ABR: variants seen among roughly 807,000 people sequenced by gnomAD.
ABR encodes the protein active breakpoint cluster region-related protein.
A neutral mutation model predicts 107.2 loss-of-function variants in ABR; 35 were observed. The observed-to-expected ratio is 0.33, with a 90% CI of 0.25 to 0.43. The LOEUF (loss-of-function observed/expected upper bound fraction) is 0.43, where lower values mean the gene tolerates loss of function less well. Among genes scored for constraint, ABR ranks in the 20% least tolerant of loss-of-function variants. ABR has a pLI of 1.00. For missense variants in ABR, 815 were observed against 1,115.2 expected (o/e 0.73, Z 3.83); for synonymous variants, 498 against 462.0 (o/e 1.08, Z -1.00).
rs200217863 is a variant in ABR, at chr17:1,013,097, C to T, written c.1851+8G>A. The T allele has an allele frequency of 2.9e-4, 469 of 1,613,978 alleles. No homozygotes were observed. Among genetic ancestry groups the T allele is most frequent in the Non-Finnish European group, 3.8e-4 (445 of 1,179,882 alleles). ...TCACGCCACTGATCATTCCCATCCC[C>T]GGCTCACCCCGTTCATCTCAATCAC... On this transcript the variant is annotated splice_region_variant and intron_variant, in intron 17 of 22. Transcript: ENST00000302538.
chr17:1,122,720 C>T (rs917957514), intron 2 of ABR, among the ~76,000 whole-genome samples: 14 of 152,234 alleles, frequency 9.2e-5, no homozygotes, highest in African/African-American at 3.1e-4. Flanking sequence ...CCATAATCAC[C>T]TGAATCAATT....
chr17:1,202,219 G>A (rs1365938262), intron 1 of ABR, among the ~76,000 whole-genome samples: 1 of 151,898 alleles, frequency 6.6e-6, no homozygotes, highest in Non-Finnish European at 1.5e-5. Flanking sequence ...GCATAGATGG[G>A]GTTTCCCCAT....
At chr17:1,206,125 G>A (rs1212145417) in intron 1 of ABR, among the ~76,000 whole-genome samples, 1 of 151,976 alleles carries the variant, frequency 6.6e-6, no homozygotes, top group Non-Finnish European at 1.5e-5. Context: ...AAAAAAAAGA[G>A]AAACAAAATT....
At chr17:1,225,608 C>T (rs9330550) in intron 1 of ABR, among the ~76,000 whole-genome samples, 23,216 of 151,970 alleles carry the variant, frequency 0.15, 2,745 homozygotes, top group African/African-American at 0.32. Flanking sequence ...CCCGAGATGA[C>T]GCCACTGCAC....
At chr17:1,110,863 T>C (rs2038633313) in intron 2 of ABR, among the ~76,000 whole-genome samples, 1 of 152,216 alleles carries the variant, frequency 6.6e-6, no homozygotes, top group Non-Finnish European at 1.5e-5. Context: ...CCCCTGGTTT[T>C]CCCCTGTCCC....
At chr17:1,139,454 G>A (rs1039363144) in intron 1 of ABR, among the ~76,000 whole-genome samples, 106 of 151,920 alleles carry the variant, frequency 7.0e-4, no homozygotes, top group African/African-American at 2.4e-3. Context: ...GGGTTTCACC[G>A]TGTTAGCCAA....
intron 1 of ABR, among the ~76,000 whole-genome samples, chr17:1,185,782 C>G (rs1226024446): frequency 6.6e-6 from 1 of 151,740 alleles, no homozygotes; most frequent in African/African-American, 2.4e-5. Flanking sequence ...GGCCTGTTTT[C>G]CGTGCTTTGC....
At chr17:1,124,406 C>T (rs80032820) in intron 2 of ABR, among the ~76,000 whole-genome samples, 4 of 152,182 alleles carry the variant, frequency 2.6e-5, no homozygotes, top group African/African-American at 7.2e-5. Context: ...ACACACCCCC[C>T]ACAGAGGACC....
chr17:1,176,837 C>T (rs922120316), intron 1 of ABR, among the ~76,000 whole-genome samples: 1 of 150,984 alleles, frequency 6.6e-6, no homozygotes, highest in Non-Finnish European at 1.5e-5. Context: ...AAGACGGAGA[C>T]CCCGTCTCAA....
chr17:1,111,996 C>T (rs543276425), intron 2 of ABR, among the ~76,000 whole-genome samples: 64 of 151,908 alleles, frequency 4.2e-4, no homozygotes, highest in Non-Finnish European at 7.8e-4. Context: ...CGCCATCTTA[C>T]GAGTCTTCCT....
chr17:1,038,015 G>A (rs549421148), intron 16 of ABR, among the ~76,000 whole-genome samples: 3 of 152,274 alleles, frequency 2.0e-5, no homozygotes, highest in Non-Finnish European at 4.4e-5. Flanking sequence ...TTATGCCGAC[G>A]TCTCCCTGCC....
intron 1 of ABR, among the ~76,000 whole-genome samples, chr17:1,158,467 A>G (rs1279072469): frequency 3.3e-5 from 5 of 151,922 alleles, no homozygotes; most frequent in Non-Finnish European, 7.4e-5. Flanking sequence ...CATTTCACAT[A>G]TAACACAGAA....
intron 5 of ABR, among the ~76,000 whole-genome samples, chr17:1,082,363 T>G (rs1014456371): frequency 6.6e-6 from 1 of 151,896 alleles, no homozygotes; most frequent in African/African-American, 2.4e-5. Context: ...CAGATAGGAC[T>G]GCACCTCTGC....
intron 1 of ABR, among the ~76,000 whole-genome samples, chr17:1,185,852 T>C (rs1041125690): frequency 2.0e-5 from 3 of 151,752 alleles, no homozygotes. Context: ...TTTCTTTCTT[T>C]TGAGATGGAG....
chr17:1,100,761 C>T, intron 2 of ABR, 26 bp from the exon 3 acceptor site: 1 of 1,611,990 alleles, frequency 6.2e-7, no homozygotes, highest in Non-Finnish European at 8.5e-7. Flanking sequence ...GCACAGCCAA[C>T]AGCTCATGAG....
intron 6 of ABR, 130 bp downstream of exon 6, chr17:1,079,200 C>G (rs980100984): frequency 1.7e-5 from 26 of 1,489,264 alleles, no homozygotes; most frequent in African/African-American, 2.8e-5. Flanking sequence ...CACGCGCTCA[C>G]ACACGCTCAC....
At chr17:1,057,943 G>C (rs769250339) in intron 12 of ABR, 27 bp downstream of exon 12, 5 of 1,595,438 alleles carry the variant, frequency 3.1e-6, no homozygotes, top group Non-Finnish European at 4.3e-6. Context: ...GACATCATTG[G>C]GGAGCGTGGA....
chr17:1,082,563 C>T (rs886745765), intron 5 of ABR, among the ~76,000 whole-genome samples: 4 of 152,148 alleles, frequency 2.6e-5, no homozygotes, highest in Admixed American at 2.0e-4. Flanking sequence ...CGCGTGTTCC[C>T]GGCCAGGGAT....
upstream of ABR, among the ~76,000 whole-genome samples, chr17:1,183,526 G>A (rs774720014): frequency 1.3e-5 from 2 of 152,120 alleles, no homozygotes; most frequent in African/African-American, 2.4e-5. Flanking sequence ...TGCTACTCAC[G>A]GCCTCTCCAA....
Sources: gnomAD v4.1 joint callset for allele counts (sites outside exome capture counted in the v4.1 genomes callset) on GRCh38, gnomAD v4.1.1 for gene constraint, MANE v1.5 for transcripts, NCBI Gene and HGNC (gene_info 2026-07-23, HGNC 2026-07-21) for gene names.